The following SEL1L2 variants were observed in gnomAD, a reference collection of about 807,000 sequenced individuals.
SEL1L2 encodes SEL1L2 adaptor subunit of SYVN1 ubiquitin ligase.
SEL1L2 carries 89 observed loss-of-function variants against 98.8 expected under a neutral mutation model. The ratio of observed to expected loss-of-function variants is 0.90; its 90% CI spans 0.76 to 1.07. The LOEUF (loss-of-function observed/expected upper bound fraction) is 1.07. Among genes scored for constraint, SEL1L2 ranks in the 50% least tolerant of loss-of-function variants. SEL1L2 has a pLI of 0.00. For missense variants in SEL1L2, 788 were observed against 812.0 expected, an observed-to-expected ratio of 0.97 and a Z score of 0.36; for synonymous variants, 262 against 278.5, an observed-to-expected ratio of 0.94 and a Z score of 0.59.
chr20:13,861,256 A>G (rs1990088018), intron 17 of SEL1L2, among the ~76,000 whole-genome samples: 2 of 151,832 alleles, frequency 1.3e-5, no homozygotes, highest in African/African-American at 2.4e-5. Flanking sequence ...GCTCACTGCA[A>G]CCTCAGCCTC....
rs2052259824 is a variant in SEL1L2 at position 13,987,325 on chromosome 20, T to TG, written c.58+3151_58+3152insC. Among the ~76,000 whole-genome samples the TG allele has an allele frequency of 8.2e-5, 11 of 134,850 alleles. No homozygotes were observed. The East Asian group carries it at 8.2e-4, about 10-fold the overall frequency. The allele number at this position is 134,850 out of a possible 152,430, so 88.5% of individuals were successfully genotyped here. ...GTTAATTTACTGTTTTTTTTTTTTTTTTTTTTGTTGTTGTTGTTGTTTTGT... is the reference window on the plus strand; with the variant it reads ...GTTAATTTACTGTTTTTTTTTTTTTTGTTTTTTGTTGTTGTTGTTGTTTTGT... On this transcript the variant is annotated intron_variant, in intron 1 of 19. Transcript: ENST00000284951.
At chr20:13,964,946 C>G (rs2050971380) in intron 1 of SEL1L2, among the ~76,000 whole-genome samples, 1 of 152,092 alleles carries the variant, frequency 6.6e-6, no homozygotes, top group Admixed American at 6.6e-5. Flanking sequence ...ATACTATCTC[C>G]GATATCCTTC....
intron 3 of SEL1L2, among the ~76,000 whole-genome samples, chr20:13,921,558 A>AGT (rs1406717642): frequency 2.0e-5 from 3 of 152,216 alleles, no homozygotes; most frequent in African/African-American, 7.2e-5. Flanking sequence ...GCGCAGAAAC[A>AGT]GTCAAAATAA....
chr20:13,897,391 C>T (rs2047468873), intron 5 of SEL1L2, among the ~76,000 whole-genome samples: 1 of 151,888 alleles, frequency 6.6e-6, no homozygotes, highest in Non-Finnish European at 1.5e-5. Context: ...ACAACCAAAG[C>T]AAAAATGGAC....
chr20:13,885,622 C>T (rs971766032), intron 9 of SEL1L2, among the ~76,000 whole-genome samples: 1 of 152,118 alleles, frequency 6.6e-6, no homozygotes, highest in African/African-American at 2.4e-5. Context: ...TTCTGGGGTA[C>T]AGAAACACCC....
chr20:13,854,791 C>T (rs999242765), intron 18 of SEL1L2, among the ~76,000 whole-genome samples: 84 of 152,234 alleles, frequency 5.5e-4, no homozygotes, highest in South Asian at 2.3e-3. Flanking sequence ...TGGTGGCTCA[C>T]GCCTGTAACC....
chr20:13,920,687 G>C (rs2048628220), intron 3 of SEL1L2, among the ~76,000 whole-genome samples: 1 of 152,096 alleles, frequency 6.6e-6, no homozygotes, highest in Non-Finnish European at 1.5e-5. Context: ...AACCACGCTT[G>C]AAGCCATTTC....
intron 2 of SEL1L2, among the ~76,000 whole-genome samples, chr20:13,948,649 C>T (rs1468502074): frequency 1.3e-5 from 2 of 152,156 alleles, no homozygotes; most frequent in Non-Finnish European, 2.9e-5. Flanking sequence ...CTATAAAATA[C>T]TTAGAAGAAA....
intron 3 of SEL1L2, among the ~76,000 whole-genome samples, chr20:13,927,810 C>A (rs570988229): frequency 4.7e-4 from 71 of 152,262 alleles, no homozygotes; most frequent in Non-Finnish European, 9.1e-4. Flanking sequence ...TTGTTTCATT[C>A]CACATTTATG....
chr20:13,956,694 T>C (rs539112489), intron 1 of SEL1L2, among the ~76,000 whole-genome samples: 1 of 152,154 alleles, frequency 6.6e-6, no homozygotes, highest in Non-Finnish European at 1.5e-5. Flanking sequence ...CTTTTTTTTA[T>C]AAAGACTATA....
intron 2 of SEL1L2, among the ~76,000 whole-genome samples, chr20:13,943,427 C>T (rs1475250954): frequency 6.6e-6 from 1 of 150,706 alleles, no homozygotes; most frequent in Non-Finnish European, 1.5e-5. Flanking sequence ...AACATATAGC[C>T]ATGTCAACTT....
chr20:13,881,743 T>C (rs62207676), intron 10 of SEL1L2, among the ~76,000 whole-genome samples: 1,778 of 152,272 alleles, frequency 0.012, 25 homozygotes, highest in Non-Finnish European at 0.018. Context: ...TCCAGGTATC[T>C]TGAAATTTAA....
chr20:13,901,209 T>C (rs2047664769), intron 5 of SEL1L2, among the ~76,000 whole-genome samples: 1 of 151,874 alleles, frequency 6.6e-6, no homozygotes, highest in African/African-American at 2.4e-5. Flanking sequence ...TAGCTGGGAC[T>C]ACAGGCGCCT....
intron 4 of SEL1L2, chr20:13,915,005 G>T: frequency 2.4e-6 from 2 of 846,102 alleles, no homozygotes; most frequent in Non-Finnish European, 3.2e-6. Context: ...ACTTCGTTTT[G>T]AAGGTAAAGA....
intron 4 of SEL1L2, among the ~76,000 whole-genome samples, chr20:13,915,418 A>G (rs7274524): frequency 0.49 from 75,259 of 152,052 alleles, 19,098 homozygotes; most frequent in African/African-American, 0.61. Context: ...TGGCACCCAG[A>G]GAGAGGCAAC....
chr20:13,890,481 C>A (rs1211064070), intron 5 of SEL1L2, among the ~76,000 whole-genome samples: 1 of 152,066 alleles, frequency 6.6e-6, no homozygotes, highest in Non-Finnish European at 1.5e-5. Flanking sequence ...GTTCAAGAAG[C>A]TCTCAGAATT....
At chr20:13,942,444 C>T (rs1469653777) in intron 2 of SEL1L2, among the ~76,000 whole-genome samples, 2 of 152,128 alleles carry the variant, frequency 1.3e-5, no homozygotes, top group Non-Finnish European at 2.9e-5. Context: ...GTTAGACGTG[C>T]AAATTATCTG....
chr20:13,906,173 G>A (rs1473546248), intron 5 of SEL1L2, among the ~76,000 whole-genome samples: 1 of 152,114 alleles, frequency 6.6e-6, no homozygotes, highest in African/African-American at 2.4e-5. Context: ...AGGGCTCCCA[G>A]CCCCTGTAAG....
At chr20:13,865,291 A>G (rs1463522338) in intron 16 of SEL1L2, 50 bp from the exon 17 acceptor site, 1 of 1,603,978 alleles carries the variant, frequency 6.2e-7, no homozygotes, top group Admixed American at 1.7e-5. Context: ...CCTCTGTAGT[A>G]AAGTCATACA....
Sources: allele counts gnomAD v4.1 joint callset (sites outside exome capture counted in the v4.1 genomes callset), GRCh38; gene constraint gnomAD v4.1.1; transcripts MANE v1.5; gene names NCBI Gene and HGNC (gene_info 2026-07-23, HGNC 2026-07-21).